The following FRMD5 variants were observed in gnomAD, a reference collection of about 807,000 sequenced individuals.
FRMD5 encodes FERM domain containing 5.
Under a neutral mutation model 69.0 loss-of-function variants are expected in FRMD5, and 20 were observed. The observed-to-expected ratio is 0.29, with a 90% CI of 0.20 to 0.42. The LOEUF (loss-of-function observed/expected upper bound fraction) is 0.42, where lower values mean the gene tolerates loss of function less well. FRMD5 is among the 10% of genes least tolerant of loss of function. The probability of loss-of-function intolerance (pLI) is 1.00; values close to 1 mark genes in which losing one functional copy is unlikely to be tolerated. For missense variants in FRMD5, 595 were observed against 708.6 expected, an observed-to-expected ratio of 0.84 and a Z score of 1.82; for synonymous variants, 271 against 260.1, an observed-to-expected ratio of 1.04 and a Z score of -0.40.
chr15:43,925,154 G>GCCA (rs2089561988), intron 1 of FRMD5, among the ~76,000 whole-genome samples: 1 of 152,038 alleles, frequency 6.6e-6, no homozygotes, highest in Non-Finnish European at 1.5e-5. Context: ...ACAGGCATGT[G>GCCA]CCACCACGTC....
chr15:44,007,950 T>G (rs938592410), intron 1 of FRMD5, among the ~76,000 whole-genome samples: 1 of 152,052 alleles, frequency 6.6e-6, no homozygotes, highest in Non-Finnish European at 1.5e-5. Context: ...GGCTGCTAAT[T>G]TTTTTTAAAG....
chr15:44,050,528 C>CTT (rs34133842), intron 1 of FRMD5, among the ~76,000 whole-genome samples: 3 of 93,732 alleles, frequency 3.2e-5, no homozygotes, highest in Non-Finnish European at 4.6e-5. Context: ...GCCTGGCTCC[C>CTT]TTTTTTTTTT....
chr15:44,052,329 C>G (rs1336661560), intron 1 of FRMD5, among the ~76,000 whole-genome samples: 1 of 152,136 alleles, frequency 6.6e-6, no homozygotes, highest in Non-Finnish European at 1.5e-5. Context: ...ACATACGCAA[C>G]CATTGTGTTT....
chr15:44,174,451 C>A (rs904375160), intron 1 of FRMD5, among the ~76,000 whole-genome samples: 1 of 152,142 alleles, frequency 6.6e-6, no homozygotes, highest in Non-Finnish European at 1.5e-5. Flanking sequence ...AATGTATTGT[C>A]ATTTATAACC....
chr15:44,171,013 T>TTTAAAC (rs1566983545), intron 1 of FRMD5, among the ~76,000 whole-genome samples: 1 of 152,210 alleles, frequency 6.6e-6, no homozygotes, highest in Non-Finnish European at 1.5e-5. Context: ...TTCATGTTGC[T>TTTAAAC]ATGTTTTTTA....
intron 1 of FRMD5, among the ~76,000 whole-genome samples, chr15:44,119,916 A>T (rs762391624): frequency 5.9e-5 from 9 of 152,206 alleles, no homozygotes; most frequent in Non-Finnish European, 1.3e-4. Flanking sequence ...TTACTGAATA[A>T]ATGACTGAGC....
chr15:43,925,354 C>T (rs2089565811), intron 1 of FRMD5, among the ~76,000 whole-genome samples: 1 of 152,200 alleles, frequency 6.6e-6, no homozygotes, highest in Non-Finnish European at 1.5e-5. Flanking sequence ...AACCTACATA[C>T]ATATACATCT....
At chr15:43,935,562 A>G (rs1488811743) in intron 1 of FRMD5, among the ~76,000 whole-genome samples, 1 of 152,182 alleles carries the variant, frequency 6.6e-6, no homozygotes, top group Non-Finnish European at 1.5e-5. Flanking sequence ...TAGGGTGGGA[A>G]TGACCAGGTC....
rs1555392744 is a variant in FRMD5, at chr15:43,999,967, T to TATGCCATGC, written c.103-75659_103-75658insGCATGGCAT. On this transcript the variant is annotated intron_variant, in intron 1 of 13. Transcript: ENST00000417257. The stretch of plus-strand genomic sequence containing the variant: ...TATATGCCATGCATATATATATATA[T>TATGCCATGC]ATATATATATATATATATATATGTG... Among the ~76,000 whole-genome samples the TATGCCATGC allele has an allele frequency of 6.1e-3, 256 of 41,958 alleles. 36 individuals carry two copies. The highest frequency in any genetic ancestry group is 0.014 in the African/African-American group (210 of 15,258). 27.5% of individuals were successfully genotyped at this position (41,958 alleles called of 152,430 possible). A position where few individuals can be genotyped will look rare whatever the true frequency, so the allele number is the denominator to read the frequency against.
chr15:43,875,703 C>G (rs2140333110), intron 13 of FRMD5: 1 of 457,742 alleles, frequency 2.2e-6, no homozygotes, highest in Non-Finnish European at 3.8e-6. Flanking sequence ...GTCTAGAACT[C>G]CTGGCCTCCC....
chr15:44,115,520 T>A (rs755399973), intron 1 of FRMD5, among the ~76,000 whole-genome samples: 88 of 152,290 alleles, frequency 5.8e-4, no homozygotes, highest in Non-Finnish European at 1.1e-3. Flanking sequence ...CAATCATACA[T>A]AGGGATGATA....
intron 1 of FRMD5, among the ~76,000 whole-genome samples, chr15:43,963,139 A>G (rs1259209972): frequency 6.6e-6 from 1 of 152,210 alleles, no homozygotes; most frequent in East Asian, 1.9e-4. Flanking sequence ...ATGGGAGAAA[A>G]GTTTTGCAAC....
intron 1 of FRMD5, among the ~76,000 whole-genome samples, chr15:43,997,892 A>AT (rs1890010295): frequency 6.6e-6 from 1 of 152,204 alleles, no homozygotes; most frequent in Non-Finnish European, 1.5e-5. Context: ...TGTTCATGAC[A>AT]TTGAGATCTC....
intron 1 of FRMD5, among the ~76,000 whole-genome samples, chr15:43,970,819 C>T (rs149425648): frequency 1.3e-5 from 2 of 152,220 alleles, no homozygotes; most frequent in East Asian, 3.9e-4. Context: ...TCTTTTTCTC[C>T]AGCAGAATTT....
chr15:43,924,101 G>T (rs2089541423), intron 2 of FRMD5, 104 bp downstream of exon 2: 2 of 866,144 alleles, frequency 2.3e-6, no homozygotes, highest in Non-Finnish European at 3.9e-6. Context: ...GGGTCTGGTT[G>T]GTCCCTGATT....
At chr15:43,894,807 G>C (rs2088876415) in intron 7 of FRMD5, among the ~76,000 whole-genome samples, 1 of 152,176 alleles carries the variant, frequency 6.6e-6, no homozygotes, top group Non-Finnish European at 1.5e-5. Context: ...TCGGGTCCAG[G>C]TCCAGCTCTG....
rs182873032 is a variant in FRMD5, at chr15:44,014,416, A to C, written c.103-90107T>G. Among the ~76,000 whole-genome samples, 4 of 152,272 alleles carry C rather than the reference A, an allele frequency of 2.6e-5. 1 individual carries two copies. Among genetic ancestry groups the C allele is most frequent in the African/African-American group, 9.6e-5 (4 of 41,568 alleles). ...GTCAGACTAGGTACTTAACCTCTCT[A>C]TATCCCATTAAAATGGGTATAATAA... On this transcript the variant is annotated intron_variant, in intron 1 of 13. Coordinates refer to ENST00000417257, the MANE Select transcript of FRMD5 (RefSeq NM_032892.5).
intron 1 of FRMD5, among the ~76,000 whole-genome samples, chr15:44,164,525 T>C (rs2077676752): frequency 6.6e-6 from 1 of 152,200 alleles, no homozygotes; most frequent in South Asian, 2.1e-4. Context: ...ACTAGCAAGA[T>C]AAGAGGCAAC....
At chr15:44,054,271 A>G (rs1347515870) in intron 1 of FRMD5, among the ~76,000 whole-genome samples, 1 of 152,162 alleles carries the variant, frequency 6.6e-6, no homozygotes, top group Non-Finnish European at 1.5e-5. Context: ...TGAGGCATTG[A>G]GGGAAGAAAG....
Sources: allele counts gnomAD v4.1 joint callset (sites outside exome capture counted in the v4.1 genomes callset), GRCh38; gene constraint gnomAD v4.1.1; transcripts MANE v1.5; gene names NCBI Gene and HGNC (gene_info 2026-07-23, HGNC 2026-07-21).